Variants in C10orf120 observed in about 807,000 individuals in gnomAD.
C10orf120 encodes the protein uncharacterized protein C10orf120.
In C10orf120, 15 loss-of-function variants were observed where a neutral mutation model predicts 10.8. That is an observed-to-expected ratio of 1.39 (90% CI 0.93 to 2.14). The LOEUF (loss-of-function observed/expected upper bound fraction) is 2.14. Ranked by LOEUF, C10orf120 falls within the 30% of genes most tolerant of loss-of-function variation. The pLI is 0.00. For synonymous variants in C10orf120, 141 were observed against 138.9 expected (o/e 1.02, Z -0.11); for missense variants, 447 against 411.3 (o/e 1.09, Z -0.75).
At position 122,697,908 on chromosome 10, in the gene C10orf120, C is replaced by A. The variant is rs373835828; in HGVS notation, c.833G>T (p.Gly278Val). The A allele has an allele frequency of 1.2e-6, 2 of 1,614,026 alleles. No homozygotes were observed. Among genetic ancestry groups the A allele is most frequent in the Non-Finnish European group, 8.5e-7 (1 of 1,180,036 alleles). The change falls in exon 3 of 3, where the codon GGC becomes GTC. Residue 278 changes from glycine (G) to valine (V), a missense_variant. Physicochemically the swap from Gly to Val is moderately radical, Grantham distance 109 (BLOSUM62 -3). Coordinates refer to ENST00000329446, the MANE Select transcript of C10orf120 (RefSeq NM_001010912.4). ...PAKKPERSIA[G>V]LTNRNLFCIS... ...GCAGAAAAGATTTCGGTTTGTTAGG[C>A]CTGCGATGGACCGTTCCGGTTTCTT...
At position 122,698,445 on chromosome 10, in the gene C10orf120, G is replaced by A. The variant is rs1010612202; in HGVS notation, c.296C>T (p.Ala99Val). ...IHTIAARRLLAYKQEEECRML... is the reference protein window; with the variant it reads ...IHTIAARRLLVYKQEEECRML... The stretch of plus-strand genomic sequence containing the variant: ...TCTGCATTCTTCCTCTTGCTTGTAA[G>A]CCAAAAGCCTTCTTGCTGCTATGGT... The change falls in exon 3 of 3, where the codon GCT (alanine) becomes GTT (valine). Residue 99 changes from alanine to valine, a missense_variant. Physicochemically the swap from Ala to Val is moderately conservative, Grantham distance 64. Coordinates refer to ENST00000329446, the MANE Select transcript of C10orf120 (RefSeq NM_001010912.4). 3 of 1,614,040 alleles carry A rather than the reference G, an allele frequency of 1.9e-6. No individual in the cohort carries two copies. Among genetic ancestry groups the A allele is most frequent in the African/African-American group, 2.7e-5 (2 of 74,910 alleles).
intron 2 of C10orf120, 51 bp downstream of exon 2, chr10:122,699,286 A>T: frequency 7.4e-7 from 1 of 1,354,026 alleles, no homozygotes; most frequent in Non-Finnish European, 1.1e-6. Context: ...CTCTAGCTAA[A>T]CTGGCTGGCT....
Position 122,698,318 on chromosome 10 carries a change from T to A in C10orf120, c.423A>T (p.Lys141Asn). ...GCGCAATCACCTTTGCTGTCCATAT[T>A]TTTTCTAGGGGTACACAAATAGCAC... ...SPCAICVPLE[K>N]IWTAKVIAPL... Residue 141 changes from lysine (K) to asparagine (N), a missense_variant, in exon 3 of 3, where the codon AAA (lysine) becomes AAT (asparagine). By Grantham distance (94) the Lys-to-Asn change is moderately conservative. Transcript: ENST00000329446. 1.2e-6 allele frequency: 2 copies of A among 1,614,222 alleles called. No individual in the cohort carries two copies. The highest frequency in any genetic ancestry group is 1.7e-6 in the Non-Finnish European group (2 of 1,180,036).
rs1301093323 is a variant in C10orf120 at position 122,697,726 on chromosome 10, T to C, written c.*7A>G. 1 of 1,613,180 alleles carries C rather than the reference T, an allele frequency of 6.2e-7. No individual in the cohort carries two copies. The highest frequency in any genetic ancestry group is 1.7e-5 in the Admixed American group (1 of 59,960). On this transcript the variant is annotated 3_prime_UTR_variant, in exon 3 of 3. Coordinates refer to ENST00000329446, the MANE Select transcript of C10orf120 (RefSeq NM_001010912.4). ...ACACCTGGTTACCCTGGGCAACAAA[T>C]AAAACTTTAATAATGATAAGGAGTT...
intron 2 of C10orf120, among the ~76,000 whole-genome samples, 170 bp downstream of exon 2, chr10:122,699,167 A>AAAAAAAT (rs1845827547): frequency 6.6e-6 from 1 of 150,548 alleles, no homozygotes; most frequent in Non-Finnish European, 1.5e-5. Flanking sequence ...AAAAAAAAAA[A>AAAAAAAT]AAGAGTATTT....
Position 122,697,935 on chromosome 10 carries a change from G to T in C10orf120, c.806C>A (p.Ala269Glu). The part of the protein sequence containing the change: ...HGNDRKSFLP[A>E]KKPERSIAGL... Reference sequence around the variant, plus strand: ...TGCGATGGACCGTTCCGGTTTCTTTGCGGGGAGGAATGATTTGCGATCATT... The same window carrying T: ...TGCGATGGACCGTTCCGGTTTCTTTTCGGGGAGGAATGATTTGCGATCATT... Residue 269 changes from alanine to glutamate, a missense_variant, in exon 3 of 3, where the codon GCA becomes GAA. Ala to Glu is a moderately radical substitution (Grantham distance 107, BLOSUM62 -1). Transcript: ENST00000329446. 1 of 1,614,042 alleles carries T rather than the reference G, an allele frequency of 6.2e-7. No individual in the cohort carries two copies. Among genetic ancestry groups the T allele is most frequent in the South Asian group, 1.1e-5 (1 of 91,026 alleles).
Position 122,697,926 on chromosome 10 carries a change from G to A in C10orf120, c.815C>T (p.Pro272Leu), listed in dbSNP as rs189569073. Reference protein sequence around the residue: ...DRKSFLPAKKPERSIAGLTNR... With the variant: ...DRKSFLPAKKLERSIAGLTNR... ...TGTTAGGCCTGCGATGGACCGTTCC[G>A]GTTTCTTTGCGGGGAGGAATGATTT... Residue 272 changes from proline (P) to leucine (L), a missense_variant, in exon 3 of 3, where the codon CCG becomes CTG. Pro to Leu is a moderately conservative substitution (Grantham distance 98). Coordinates refer to ENST00000329446, the MANE Select transcript of C10orf120 (RefSeq NM_001010912.4). The A allele has an allele frequency of 1.9e-5, 31 of 1,614,098 alleles. No homozygotes were observed. Among genetic ancestry groups the A allele is most frequent in the South Asian group, 9.9e-5 (9 of 91,044 alleles).
At chr10:122,699,300 G>A (rs778222554) in intron 2 of C10orf120, 37 bp downstream of exon 2, 1 of 1,498,854 alleles carries the variant, frequency 6.7e-7, no homozygotes, top group Non-Finnish European at 9.3e-7. Context: ...GCTGGCTTCA[G>A]TGGGGCCTCT....
chr10:122,699,679 A>G lies in C10orf120; in HGVS notation c.112T>C (p.Ser38Pro), dbSNP rs754019384. The change falls in exon 1 of 3, where the codon TCT (serine) becomes CCT (proline). Residue 38 changes from serine (S) to proline (P), a missense_variant. Coordinates refer to ENST00000329446, the MANE Select transcript of C10orf120 (RefSeq NM_001010912.4). ...EKPVRIFNTN[S>P]SFQDQAPTCC... is the part of the protein sequence containing the mutation. Reference sequence around the variant, plus strand: ...GTTGGGGCTTGATCCTGAAAGGAAGAGTTGGTATTAAATATTCTAACTGGC... The same window carrying G: ...GTTGGGGCTTGATCCTGAAAGGAAGGGTTGGTATTAAATATTCTAACTGGC... The G allele has an allele frequency of 5.0e-6, 8 of 1,614,100 alleles. No homozygotes were observed. In the South Asian group the frequency reaches 7.7e-5, roughly 16 times the overall value.
intron 2 of C10orf120, 66 bp downstream of exon 2, chr10:122,699,271 G>T: frequency 1.8e-6 from 2 of 1,115,772 alleles, no homozygotes; most frequent in Non-Finnish European, 2.7e-6. Context: ...TGAACCTTTG[G>T]CTCCCTCTAG....
intron 2 of C10orf120, 38 bp downstream of exon 2, chr10:122,699,299 A>T (rs758791281): frequency 8.1e-6 from 12 of 1,484,944 alleles, no homozygotes. Context: ...GGCTGGCTTC[A>T]GTGGGGCCTC....
intron 2 of C10orf120, among the ~76,000 whole-genome samples, chr10:122,698,819 C>T (rs1406292000): frequency 6.6e-6 from 1 of 152,074 alleles, no homozygotes; most frequent in East Asian, 1.9e-4. Context: ...GTAAGTGGGA[C>T]GTGTCAATAA....
chr10:122,699,611 T>A lies in C10orf120; in HGVS notation c.176+4A>T. 1 of 1,601,260 alleles carries A rather than the reference T, an allele frequency of 6.2e-7. No individual in the cohort carries two copies. The highest frequency in any genetic ancestry group is 8.5e-7 in the Non-Finnish European group (1 of 1,173,044). ...GGACAGACTAAAGTGCAAGTCAGAC[T>A]CACCGCAACGGTGAAGCAGAACTCA... On this transcript the variant is annotated splice_donor_region_variant and intron_variant, in intron 1 of 2. Transcript: ENST00000329446.
At position 122,699,800 on chromosome 10, in the gene C10orf120, A is replaced by G. The variant is rs752967029; in HGVS notation, c.-10T>C. The G allele has an allele frequency of 6.2e-7, 1 of 1,607,868 alleles. No individual in the cohort carries two copies. The highest frequency in any genetic ancestry group is 8.5e-7 in the Non-Finnish European group (1 of 1,176,966). ...TCCATTCTCTGATCATACTCCGGCA[A>G]TAAGCTAGGACGGGAGGTGTTCACA... is the stretch of plus-strand genomic sequence containing the variant. On this transcript the variant is annotated 5_prime_UTR_variant, in exon 1 of 3. Coordinates refer to ENST00000329446, the MANE Select transcript of C10orf120 (RefSeq NM_001010912.4).
At chr10:122,699,058 C>T (rs1466447324) in intron 2 of C10orf120, among the ~76,000 whole-genome samples, 8 of 135,506 alleles carry the variant, frequency 5.9e-5, no homozygotes, top group Non-Finnish European at 9.3e-5. Context: ...GGCGTGAACC[C>T]GGGAAGCGGA....
Position 122,698,151 on chromosome 10 carries a change from C to T in C10orf120, c.590G>A (p.Gly197Glu), listed in dbSNP as rs778602192. The T allele has an allele frequency of 9.9e-6, 16 of 1,613,342 alleles. No homozygotes were observed. The Admixed American group carries it at 2.7e-4, about 27-fold the overall frequency. ...ERFTRSSFLS[G>E]VGLGPMAKNK... is the part of the protein sequence containing the mutation. ...TTTTGCCATTGGACCCAGGCCCACCCCAGACAGAAATGAGGAGCGTGTAAA... is the reference window on the plus strand; with the variant it reads ...TTTTGCCATTGGACCCAGGCCCACCTCAGACAGAAATGAGGAGCGTGTAAA... Residue 197 changes from glycine to glutamate, a missense_variant, in exon 3 of 3, where the codon GGG becomes GAG. By Grantham distance (98) the Gly-to-Glu change is moderately conservative. Coordinates refer to ENST00000329446, the MANE Select transcript of C10orf120 (RefSeq NM_001010912.4).
At position 122,699,726 on chromosome 10, in the gene C10orf120, A is replaced by G; in HGVS notation, c.65T>C (p.Val22Ala). ...IEKQRASDTM[V>A]QERKNEKPVR... ...TGGCTTTTCATTCTTCCTTTCTTGC[A>G]CCATTGTGTCACTAGCCCTCTGTTT... The change falls in exon 1 of 3, where the codon GTG becomes GCG. Residue 22 changes from valine (V) to alanine (A), a missense_variant. Physicochemically the swap from Val to Ala is moderately conservative, Grantham distance 64 (BLOSUM62 0). Coordinates refer to ENST00000329446, the MANE Select transcript of C10orf120 (RefSeq NM_001010912.4). 6.2e-7 allele frequency: 1 copy of G among 1,614,066 alleles called. No individual in the cohort carries two copies. Among genetic ancestry groups the G allele is most frequent in the East Asian group, 2.2e-5 (1 of 44,874 alleles).
At chr10:122,698,923 G>A (rs181548120) in intron 2 of C10orf120, among the ~76,000 whole-genome samples, 32 of 150,118 alleles carry the variant, frequency 2.1e-4, no homozygotes, top group African/African-American at 6.6e-4. Flanking sequence ...TCAGAAGATC[G>A]AGACCATCCT....
Position 122,699,659 on chromosome 10 carries a change from G to A in C10orf120, c.132C>T (p.Ala44=), listed in dbSNP as rs1845832545. 6.2e-7 allele frequency: 1 copy of A among 1,613,738 alleles called. No homozygotes were observed. Among genetic ancestry groups the A allele is most frequent in the Non-Finnish European group, 8.5e-7 (1 of 1,179,814 alleles). ...TCAGATCCTCTTGGCAACACGTTGG[G>A]GCTTGATCCTGAAAGGAAGAGTTGG... ...FNTNSSFQDQ[A]PTCCQEDLSS... is the part of the protein sequence containing the mutation. Residue 44 remains alanine (A), a synonymous_variant, in exon 1 of 3, where the codon GCC becomes GCT. Coordinates refer to ENST00000329446, the MANE Select transcript of C10orf120 (RefSeq NM_001010912.4).
Sources: allele counts gnomAD v4.1 joint callset (sites outside exome capture counted in the v4.1 genomes callset), GRCh38; gene constraint gnomAD v4.1.1; transcripts MANE v1.5; gene names NCBI Gene and HGNC (gene_info 2026-07-23, HGNC 2026-07-21).